The following GYS1 variants were observed in gnomAD, a reference collection of about 807,000 sequenced individuals.
The protein encoded by GYS1 is glycogen [starch] synthase, muscle.
A neutral mutation model predicts 89.1 loss-of-function variants in GYS1; 60 were observed. The observed-to-expected ratio is 0.67, with a 90% CI of 0.55 to 0.84. The LOEUF is 0.84. Among genes scored for constraint, GYS1 ranks in the 40% least tolerant of loss-of-function variants. GYS1 has a pLI of 0.00. For synonymous variants in GYS1, 366 were observed against 401.7 expected, an observed-to-expected ratio of 0.91 and a Z score of 1.06; for missense variants, 888 against 1,003.1, an observed-to-expected ratio of 0.89 and a Z score of 1.55.
At chr19:48,979,283 T>A (rs996374690) in intron 8 of GYS1, among the ~76,000 whole-genome samples, 1 of 150,246 alleles carries the variant, frequency 6.7e-6, no homozygotes, top group African/African-American at 2.4e-5. Context: ...AATCCTCCCA[T>A]AGCTCTGGCC....
In GYS1 at chr19:48,974,336, T is replaced by C; in HGVS notation, c.1426A>G (p.Ile476Val). ...GAGGAGAGGAACTCCGGGTGGAAAATCACCTGGTAGTGAAAAAGAAGGACT... is the reference window on the plus strand; with the variant it reads ...GAGGAGAGGAACTCCGGGTGGAAAACCACCTGGTAGTGAAAAAGAAGGACT... ...FNSSADRVKV[I>V]FHPEFLSSTS... Residue 476 changes from isoleucine (I) to valine (V), a missense_variant, in exon 12 of 16, where the codon ATT becomes GTT. Physicochemically the swap from Ile to Val is conservative, Grantham distance 29. Coordinates refer to ENST00000323798, the MANE Select transcript of GYS1 (RefSeq NM_002103.5). 6.2e-7 allele frequency: 1 copy of C among 1,613,838 alleles called. No homozygotes were observed. The highest frequency in any genetic ancestry group is 8.5e-7 in the Non-Finnish European group (1 of 1,179,910).
At chr19:48,987,664 T>A (rs2038863175) in intron 2 of GYS1, among the ~76,000 whole-genome samples, 1 of 152,124 alleles carries the variant, frequency 6.6e-6, no homozygotes, top group African/African-American at 2.4e-5. Context: ...TGAGATGGAG[T>A]CTCACTCTGT....
rs138480890 is a variant in GYS1, at chr19:48,974,626, C to T, written c.1416G>A (p.Arg472=). The part of the protein sequence containing the change: ...RIGLFNSSAD[R]VKVIFHPEFL... ...CCTGACCAAATGCCCTCACCTTCACCCTGTCGGCACTGCTATTGAAGAGGC... is the reference window on the plus strand; with the variant it reads ...CCTGACCAAATGCCCTCACCTTCACTCTGTCGGCACTGCTATTGAAGAGGC... The change falls in exon 11 of 16, where the codon AGG becomes AGA. Residue 472 remains arginine, a synonymous_variant. Transcript: ENST00000323798. 8.7e-6 allele frequency: 14 copies of T among 1,611,754 alleles called. No individual in the cohort carries two copies. In the Admixed American group the frequency reaches 2.0e-4, roughly 23 times the overall value.
chr19:48,970,706 A>G lies in GYS1; in HGVS notation c.1649T>C (p.Ile550Thr), dbSNP rs756503222. ...GCGGAACCGCCGGTCAAGAATGTAG[A>G]TACCTGTGGAGGCCAGGACCCAGGT... ...EHIADPSAYG[I>T]YILDRRFRSL... The change falls in exon 14 of 16, where the codon ATC becomes ACC. Residue 550 changes from isoleucine to threonine, a missense_variant. Transcript: ENST00000323798. 1.2e-6 allele frequency: 2 copies of G among 1,613,810 alleles called. No homozygotes were observed. The highest frequency in any genetic ancestry group is 2.2e-5 in the South Asian group (2 of 91,016).
chr19:48,978,594 C>T (rs1486153592), intron 8 of GYS1, among the ~76,000 whole-genome samples: 2 of 133,970 alleles, frequency 1.5e-5, no homozygotes, highest in Admixed American at 7.5e-5. Flanking sequence ...CGCAGTGGTG[C>T]GATCTTGGCT....
At position 48,991,734 on chromosome 19, in the gene GYS1, G is replaced by A. The variant is rs1331033961; in HGVS notation, c.119-251C>T. ...GGTCAGGACCCTGAAGGAGGAGGGG[G>A]CTCAGGCTAGACTTCTGGGTCTGAG... On this transcript the variant is annotated intron_variant, in intron 1 of 15. Transcript: ENST00000323798. The surrounding 1 kb of genome is among the most constrained non-coding windows in gnomAD (Gnocchi z 4.7). Among the ~76,000 whole-genome samples the A allele has an allele frequency of 1.3e-5, 2 of 152,026 alleles. No homozygotes were observed. The highest frequency in any genetic ancestry group is 4.8e-5 in the African/African-American group (2 of 41,374).
chr19:48,981,770 TG>T (rs1255729356), intron 7 of GYS1, 134 bp from the exon 8 acceptor site: 2 of 655,018 alleles, frequency 3.1e-6, no homozygotes, highest in African/African-American at 3.6e-5. Context: ...AGTCCCCACC[TG>T]GACTCTGACC....
chr19:48,980,132 C>CCCCATGGGACTCCCCA (rs2038735642), intron 8 of GYS1, among the ~76,000 whole-genome samples: 3 of 152,044 alleles, frequency 2.0e-5, no homozygotes, highest in Admixed American at 2.0e-4. Flanking sequence ...ACATGTCACT[C>CCCCATGGGACTCCCCA]CAGCCCCATG....
At chr19:48,974,538 T>A in intron 11 of GYS1, 82 bp downstream of exon 11, 1 of 1,071,028 alleles carries the variant, frequency 9.3e-7, no homozygotes, top group Non-Finnish European at 1.4e-6. Context: ...ATAAAACTTA[T>A]AGGGGAATGG....
chr19:48,981,613 C>A lies in GYS1; in HGVS notation c.1086G>T (p.Val362=). 1 of 1,612,618 alleles carries A rather than the reference C, an allele frequency of 6.2e-7. No individual in the cohort carries two copies. The change falls in exon 8 of 16, where the codon GTG becomes GTT. Residue 362 remains valine, a synonymous_variant. Transcript: ENST00000323798. ...LLRVNGSEQT[V]VAFFIMPART... The stretch of plus-strand genomic sequence containing the variant: ...GCGCTGGCATGATGAAGAAGGCAAC[C>A]ACTGTCTGCTCGCTGCCGTTCACCT...
chr19:48,979,369 T>C (rs1321847125), intron 8 of GYS1, among the ~76,000 whole-genome samples: 2 of 73,996 alleles, frequency 2.7e-5, no homozygotes, highest in East Asian at 3.6e-4. Flanking sequence ...TTTTTTTTTT[T>C]TTTTTTTTGA....
chr19:48,969,485 C>T lies in GYS1; in HGVS notation c.2017G>A (p.Glu673Lys), dbSNP rs1024472621. The change falls in exon 16 of 16, where the codon GAG becomes AAG. Residue 673 changes from glutamate to lysine, a missense_variant. Physicochemically the swap from Glu to Lys is moderately conservative, Grantham distance 56. Coordinates refer to ENST00000323798, the MANE Select transcript of GYS1 (RefSeq NM_002103.5). ...GCCTCCTCGTCCTCATCGTAGCGCT[C>T]GCCGTCTTCCTCCAGCGGCCCGTTC... The part of the protein sequence containing the change: ...PRNGPLEEDG[E>K]RYDEDEEAAK... 76 of 1,544,958 alleles carry T rather than the reference C, an allele frequency of 4.9e-5. No individual in the cohort carries two copies. Among genetic ancestry groups the T allele is most frequent in the Non-Finnish European group, 6.2e-5 (71 of 1,146,880 alleles).
At chr19:48,972,138 A>T (rs1388902970) in intron 12 of GYS1, among the ~76,000 whole-genome samples, 1 of 151,716 alleles carries the variant, frequency 6.6e-6, no homozygotes, top group Non-Finnish European at 1.5e-5. Flanking sequence ...AAAAAAAAAA[A>T]ACCATCCTGG....
intron 8 of GYS1, among the ~76,000 whole-genome samples, chr19:48,978,454 A>G (rs1487697993): frequency 6.6e-6 from 1 of 151,574 alleles, no homozygotes; most frequent in Non-Finnish European, 1.5e-5. Flanking sequence ...CAAACTCCCA[A>G]CCTCAGGTAA....
intron 3 of GYS1, 27 bp from the exon 4 acceptor site, chr19:48,986,062 G>A: frequency 6.2e-7 from 1 of 1,607,456 alleles, no homozygotes; most frequent in South Asian, 1.1e-5. Context: ...CAGGGCCACT[G>A]TCTCCACGAG....
chr19:48,985,113 A>G (rs2038821421), intron 5 of GYS1, among the ~76,000 whole-genome samples: 1 of 152,100 alleles, frequency 6.6e-6, no homozygotes, highest in African/African-American at 2.4e-5. Context: ...ATGCAATGGC[A>G]CGATCACAGC....
Position 48,985,974 on chromosome 19 carries a change from C to A in GYS1, c.554G>T (p.Gly185Val). ...GGCACGACACAGGCAGAGTCCAACGCCTGCCAACCACTCATGGAAGTGAGC... is the reference window on the plus strand; with the variant it reads ...GGCACGACACAGGCAGAGTCCAACGACTGCCAACCACTCATGGAAGTGAGC... ...VVAHFHEWLAGVGLCLCRARR... is the reference protein window; with the variant it reads ...VVAHFHEWLAVVGLCLCRARR... Residue 185 changes from glycine to valine, a missense_variant, in exon 4 of 16, where the codon GGC (glycine) becomes GTC (valine). Transcript: ENST00000323798. 2.5e-6 allele frequency: 4 copies of A among 1,614,178 alleles called. No homozygotes were observed. The highest frequency in any genetic ancestry group is 3.4e-6 in the Non-Finnish European group (4 of 1,180,030).
intron 5 of GYS1, among the ~76,000 whole-genome samples, chr19:48,984,129 G>A (rs1428810073): frequency 1.3e-5 from 2 of 151,808 alleles, no homozygotes; most frequent in East Asian, 3.9e-4. Context: ...CTCCCGAGTA[G>A]CTGGGTGGCT....
At chr19:48,983,127 C>T (rs2038792488) in intron 5 of GYS1, among the ~76,000 whole-genome samples, 1 of 152,210 alleles carries the variant, frequency 6.6e-6, no homozygotes, top group Middle Eastern at 3.4e-3. Context: ...GCTGGCACTA[C>T]AGGCGTGCAC....
Sources: allele counts gnomAD v4.1 joint callset (sites outside exome capture counted in the v4.1 genomes callset), GRCh38; gene constraint gnomAD v4.1.1; non-coding constraint Gnocchi (gnomAD v3.1); transcripts MANE v1.5; gene names NCBI Gene and HGNC (gene_info 2026-07-23, HGNC 2026-07-21).